Variants in MAPKAP1 observed in about 807,000 individuals in gnomAD.
The protein encoded by MAPKAP1 is target of rapamycin complex 2 subunit MAPKAP1.
Under a neutral mutation model 65.7 loss-of-function variants are expected in MAPKAP1, and 20 were observed. That is an observed-to-expected ratio of 0.30 (90% CI 0.21 to 0.44). The LOEUF is 0.44. Among genes scored for constraint, MAPKAP1 ranks in the 20% least tolerant of loss-of-function variants. The probability of loss-of-function intolerance (pLI) is 1.00; values close to 1 mark genes in which losing one functional copy is unlikely to be tolerated. For missense variants in MAPKAP1, 423 were observed against 648.0 expected, an observed-to-expected ratio of 0.65 and a Z score of 3.77; for synonymous variants, 222 against 244.3, an observed-to-expected ratio of 0.91 and a Z score of 0.85.
At chr9:125,682,463 T>G (rs1358292080) in intron 1 of MAPKAP1, among the ~76,000 whole-genome samples, 2 of 152,380 alleles carry the variant, frequency 1.3e-5, no homozygotes, top group East Asian at 3.9e-4. Flanking sequence ...GTTTATGTGC[T>G]AGCAATAGCT....
chr9:125,614,727 T>C (rs1353685079), intron 4 of MAPKAP1, among the ~76,000 whole-genome samples: 1 of 152,220 alleles, frequency 6.6e-6, no homozygotes, highest in East Asian at 1.9e-4. Flanking sequence ...CAGTTGAATG[T>C]ACATGATTTA....
At chr9:125,697,519 C>T (rs1273311158) in intron 1 of MAPKAP1, among the ~76,000 whole-genome samples, 2 of 152,182 alleles carry the variant, frequency 1.3e-5, no homozygotes, top group African/African-American at 4.8e-5. Context: ...TAGTATGTCA[C>T]TAAAATTCTT....
intron 9 of MAPKAP1, among the ~76,000 whole-genome samples, chr9:125,482,961 G>T (rs1854371140): frequency 6.6e-6 from 1 of 152,116 alleles, no homozygotes; most frequent in Non-Finnish European, 1.5e-5. Context: ...AATTATCTTT[G>T]TTTTTACAGA....
chr9:125,657,171 C>T (rs1834055560), intron 4 of MAPKAP1, among the ~76,000 whole-genome samples: 1 of 152,072 alleles, frequency 6.6e-6, no homozygotes, highest in African/African-American at 2.4e-5. Flanking sequence ...AAGGCTTTCC[C>T]AATACAATTA....
chr9:125,584,058 G>A (rs938837713), intron 5 of MAPKAP1, among the ~76,000 whole-genome samples: 1 of 149,462 alleles, frequency 6.7e-6, no homozygotes, highest in Non-Finnish European at 1.5e-5. Flanking sequence ...GCAAGACTCC[G>A]TCTCCAAAAA....
At chr9:125,461,166 A>T (rs571561384) in intron 10 of MAPKAP1, among the ~76,000 whole-genome samples, 3 of 152,344 alleles carry the variant, frequency 2.0e-5, no homozygotes, top group African/African-American at 7.2e-5. Flanking sequence ...GAACCTAAGA[A>T]GACAGTTCAA....
chr9:125,652,778 A>C (rs1833929355), intron 4 of MAPKAP1, among the ~76,000 whole-genome samples: 2 of 152,062 alleles, frequency 1.3e-5, no homozygotes, highest in African/African-American at 4.8e-5. Context: ...TCCCCCACCC[A>C]CCCAAAGGAA....
intron 7 of MAPKAP1, among the ~76,000 whole-genome samples, chr9:125,513,827 C>T (rs1223869404): frequency 6.6e-6 from 1 of 152,144 alleles, no homozygotes; most frequent in Admixed American, 6.6e-5. Flanking sequence ...TGCTCTTTCC[C>T]TCGTGTGTCC....
At chr9:125,506,916 C>T (rs1275197679) in intron 7 of MAPKAP1, among the ~76,000 whole-genome samples, 1 of 151,302 alleles carries the variant, frequency 6.6e-6, no homozygotes, top group Non-Finnish European at 1.5e-5. Context: ...AATATAATAA[C>T]AGTCCAAAAA....
At chr9:125,603,483 A>T (rs758169858) in intron 4 of MAPKAP1, among the ~76,000 whole-genome samples, 50 of 152,200 alleles carry the variant, frequency 3.3e-4, no homozygotes, top group Non-Finnish European at 6.8e-4. Flanking sequence ...GGTCCATCTC[A>T]GGTTGCAATT....
chr9:125,441,748 G>A (rs957793485), intron 11 of MAPKAP1, among the ~76,000 whole-genome samples: 5 of 152,166 alleles, frequency 3.3e-5, no homozygotes, highest in Non-Finnish European at 7.3e-5. Context: ...GGCTTCCGTT[G>A]CTTGGTACTG....
chr9:125,686,931 A>T (rs1196276849), intron 1 of MAPKAP1, among the ~76,000 whole-genome samples: 2 of 151,680 alleles, frequency 1.3e-5, no homozygotes, highest in Non-Finnish European at 2.9e-5. Flanking sequence ...CGTTCAAGTG[A>T]TTCTCCTGCC....
intron 10 of MAPKAP1, among the ~76,000 whole-genome samples, chr9:125,455,595 G>GC (rs1554803816): frequency 1.4e-5 from 2 of 146,988 alleles, no homozygotes; most frequent in African/African-American, 5.0e-5. Context: ...AAGAAGTGTA[G>GC]TTTTTTTTTT....
chr9:125,551,588 A>G (rs35237975), intron 6 of MAPKAP1, among the ~76,000 whole-genome samples: 40,615 of 151,942 alleles, frequency 0.27, 6,569 homozygotes, highest in Non-Finnish European at 0.36. Flanking sequence ...TATATATAGG[A>G]GACAGTTTAA....
At chr9:125,574,528 T>A (rs1274703116) in intron 5 of MAPKAP1, among the ~76,000 whole-genome samples, 1 of 152,130 alleles carries the variant, frequency 6.6e-6, no homozygotes, top group Admixed American at 6.5e-5. Flanking sequence ...CAGGTGGGCA[T>A]GCAGATGGTA....
At chr9:125,702,242 T>C (rs1307798913) in intron 1 of MAPKAP1, among the ~76,000 whole-genome samples, 1 of 151,906 alleles carries the variant, frequency 6.6e-6, no homozygotes, top group African/African-American at 2.4e-5. Flanking sequence ...ACAAAATTTT[T>C]TTAAAAATTA....
chr9:125,470,095 T>C (rs986802146), intron 9 of MAPKAP1, among the ~76,000 whole-genome samples: 1 of 152,118 alleles, frequency 6.6e-6, no homozygotes, highest in African/African-American at 2.4e-5. Flanking sequence ...AGAGACATGG[T>C]TTTAAAATTT....
chr9:125,645,850 T>C (rs1005262408), intron 4 of MAPKAP1, among the ~76,000 whole-genome samples: 4 of 152,152 alleles, frequency 2.6e-5, no homozygotes, highest in African/African-American at 9.7e-5. Context: ...ACTTGGCCAC[T>C]TGTTTATCCC....
chr9:125,588,071 A>G (rs1300444343), intron 4 of MAPKAP1, among the ~76,000 whole-genome samples: 1 of 152,210 alleles, frequency 6.6e-6, no homozygotes, highest in Admixed American at 6.5e-5. Flanking sequence ...CTAGGTATAT[A>G]CTCTAGAGAA....
Sources: allele counts gnomAD v4.1 joint callset (sites outside exome capture counted in the v4.1 genomes callset), GRCh38; gene constraint gnomAD v4.1.1; transcripts MANE v1.5; gene names NCBI Gene and HGNC (gene_info 2026-07-23, HGNC 2026-07-21).